The following PCDHGB1 variants were observed in gnomAD, a reference collection of about 807,000 sequenced individuals.
The protein encoded by PCDHGB1 is protocadherin gamma-B1.
PCDHGB1 carries 34 observed loss-of-function variants against 56.6 expected under a neutral mutation model. The ratio of observed to expected loss-of-function variants is 0.60; its 90% CI spans 0.46 to 0.80. The LOEUF (loss-of-function observed/expected upper bound fraction) is 0.80. PCDHGB1 is among the 30% of genes least tolerant of loss of function. The pLI, the probability that PCDHGB1 is intolerant of heterozygous loss-of-function variation, is 0.00. For missense variants in PCDHGB1, 1,278 were observed against 1,204.6 expected (o/e 1.06, Z -0.90); for synonymous variants, 561 against 505.9 (o/e 1.11, Z -1.46).
At chr5:141,414,587 G>A (rs775783880) in intron 1 of PCDHGB1, 5 of 1,613,828 alleles carry the variant, frequency 3.1e-6, no homozygotes, top group Non-Finnish European at 8.5e-7. Context: ...AACAACGCCA[G>A]GGGTGCCTCC....
chr5:141,352,575 C>A lies in PCDHGB1; in HGVS notation c.2315C>A (p.Pro772His). Reference protein sequence around the residue: ...NSLNLTPEMAPPQDLLCDDPS... With the variant: ...NSLNLTPEMAHPQDLLCDDPS... ...CTCAACCTGACACCGGAAATGGCTCCCCCTCAGGATCTGCTGTGTGATGAT... is the reference window on the plus strand; with the variant it reads ...CTCAACCTGACACCGGAAATGGCTCACCCTCAGGATCTGCTGTGTGATGAT... The change falls in exon 1 of 4, where the codon CCC becomes CAC. Residue 772 changes from proline to histidine, a missense_variant. Transcript: ENST00000523390. 1 of 1,613,904 alleles carries A rather than the reference C, an allele frequency of 6.2e-7. No individual in the cohort carries two copies. The highest frequency in any genetic ancestry group is 1.1e-5 in the South Asian group (1 of 91,074).
intron 1 of PCDHGB1, chr5:141,399,437 A>G (rs780100815): frequency 3.7e-5 from 59 of 1,613,998 alleles, no homozygotes; most frequent in East Asian, 6.7e-5. Flanking sequence ...GTCATCCTAC[A>G]TATCAGAGAC....
chr5:141,354,934 A>T, intron 1 of PCDHGB1: 1 of 419,850 alleles, frequency 2.4e-6, no homozygotes, highest in Non-Finnish European at 4.1e-6. Context: ...AACTTTTTTT[A>T]ACCAAGAATA....
intron 1 of PCDHGB1, chr5:141,394,982 C>G (rs754667421): frequency 2.7e-5 from 44 of 1,613,866 alleles, no homozygotes; most frequent in Non-Finnish European, 3.6e-5. Context: ...ACAAGTCACG[C>G]CTGCTCCAGG....
chr5:141,384,636 C>T (rs760530136), intron 1 of PCDHGB1: 4 of 1,614,202 alleles, frequency 2.5e-6, no homozygotes, highest in South Asian at 1.1e-5. Flanking sequence ...AGCTGGCACC[C>T]CGCTCCGCAG....
rs776549222 is a variant in PCDHGB1, at chr5:141,357,551, G to C, written c.2409+4882G>C. The C allele has an allele frequency of 9.3e-6, 15 of 1,614,124 alleles. No individual in the cohort carries two copies. In the East Asian group the frequency reaches 2.2e-4, roughly 24 times the overall value. ...GCAGACACGCTCATCAGCCGGGAGA[G>C]TTGTGAGAAAAGCGAGCCTCTTCTG... On this transcript the variant is annotated intron_variant, in intron 1 of 3. Transcript: ENST00000523390.
Position 141,393,720 on chromosome 5 carries a change from A to T in PCDHGB1, c.2409+41051A>T, listed in dbSNP as rs371093729. ...TAATGAAAATACTGGGGAAATATCA[A>T]TAGCAAAAAGTCTAGATTATGAAGA... On this transcript the variant is annotated intron_variant, in intron 1 of 3. Transcript: ENST00000523390. 5.0e-6 allele frequency: 8 copies of T among 1,613,888 alleles called. No homozygotes were observed. The South Asian group carries it at 8.8e-5, about 18-fold the overall frequency.
At chr5:141,365,163 C>A in intron 1 of PCDHGB1, 1 of 1,613,918 alleles carries the variant, frequency 6.2e-7, no homozygotes, top group Non-Finnish European at 8.5e-7. Flanking sequence ...GGGAAATTGA[C>A]CTACTCTTTT....
intron 1 of PCDHGB1, chr5:141,374,905 C>CG (rs1561564899): frequency 1.9e-6 from 3 of 1,613,734 alleles, no homozygotes; most frequent in Non-Finnish European, 2.5e-6. Context: ...AAGGAGTCCA[C>CG]GGGGAAGTAA....
chr5:141,370,343 T>G (rs1460750317), intron 1 of PCDHGB1: 1 of 1,482,818 alleles, frequency 6.7e-7, no homozygotes, highest in African/African-American at 1.4e-5. Context: ...CTTGGGATTA[T>G]TTAAAGATCT....
At chr5:141,405,422 GTT>G in intron 1 of PCDHGB1, 2 of 1,509,830 alleles carry the variant, frequency 1.3e-6, no homozygotes, top group Non-Finnish European at 1.8e-6. Context: ...TTTGTTTTTT[GTT>G]TTGTTTTGTT....
At chr5:141,364,275 A>G in intron 1 of PCDHGB1, 2 of 1,515,456 alleles carry the variant, frequency 1.3e-6, no homozygotes, top group South Asian at 2.7e-5. Flanking sequence ...CTTTAGATAA[A>G]TAAGGAAACA....
rs559827512 is a variant in PCDHGB1, at chr5:141,351,880, C to T, written c.1620C>T (p.Ala540=). 6 of 1,613,356 alleles carry T rather than the reference C, an allele frequency of 3.7e-6. No homozygotes were observed. The highest frequency in any genetic ancestry group is 3.4e-6 in the Non-Finnish European group (4 of 1,179,738). ...ARDQGSPALS[A]NVSLRVLVGD... ...ACCAGGGCTCCCCCGCGCTCAGCGC[C>T]AACGTGAGCCTGCGCGTGTTGGTGG... Residue 540 remains alanine, a synonymous_variant, in exon 1 of 4, where the codon GCC becomes GCT. Coordinates refer to ENST00000523390, the MANE Select transcript of PCDHGB1 (RefSeq NM_018922.3).
intron 1 of PCDHGB1, chr5:141,372,311 C>T (rs1768644192): frequency 1.2e-6 from 2 of 1,613,416 alleles, no homozygotes; most frequent in South Asian, 2.2e-5. Flanking sequence ...AGGCCGCCCG[C>T]CAGCGCCTGC....
intron 2 of PCDHGB1, among the ~76,000 whole-genome samples, chr5:141,496,486 C>T (rs186488143): frequency 1.3e-5 from 2 of 152,322 alleles, no homozygotes; most frequent in East Asian, 3.9e-4. Flanking sequence ...CTGCAACCAA[C>T]CAAACCCTTG....
chr5:141,480,390 T>C (rs753766736), intron 1 of PCDHGB1, among the ~76,000 whole-genome samples: 14 of 151,350 alleles, frequency 9.3e-5, no homozygotes, highest in Non-Finnish European at 1.9e-4. Flanking sequence ...ACTTCAACCA[T>C]GGCAATAGAG....
At chr5:141,439,739 G>A (rs867225156) in intron 1 of PCDHGB1, 4 of 152,312 alleles carry the variant, frequency 2.6e-5, no homozygotes, top group Non-Finnish European at 5.9e-5. Flanking sequence ...GGAACGGAAC[G>A]GATTTACAGG....
At chr5:141,482,719 G>C (rs1221351410) in intron 1 of PCDHGB1, among the ~76,000 whole-genome samples, 1 of 129,252 alleles carries the variant, frequency 7.7e-6, no homozygotes, top group African/African-American at 3.5e-5. Flanking sequence ...GGCAGGGAGG[G>C]GCCATTGCAA....
At chr5:141,393,276 C>T (rs773579763) in intron 1 of PCDHGB1, 1 of 1,613,968 alleles carries the variant, frequency 6.2e-7, no homozygotes, top group African/African-American at 1.3e-5. Context: ...TTATCCACTC[C>T]CAGAAGCTGT....
Sources: allele counts gnomAD v4.1 joint callset (sites outside exome capture counted in the v4.1 genomes callset), GRCh38; gene constraint gnomAD v4.1.1; transcripts MANE v1.5; gene names NCBI Gene and HGNC (gene_info 2026-07-23, HGNC 2026-07-21).